Variants in LYZL6 observed in about 807,000 individuals in gnomAD.
LYZL6 encodes the protein lysozyme-like protein 6.
Under a neutral mutation model 15.0 loss-of-function variants are expected in LYZL6, and 21 were observed. That is an observed-to-expected ratio of 1.40 (90% CI 1.00 to 2.02). LYZL6 has a LOEUF of 2.02. Ranked by LOEUF, LYZL6 falls within the 30% of genes most tolerant of loss-of-function variation. LYZL6 has a pLI of 0.00. For missense variants in LYZL6, 173 were observed against 180.5 expected (o/e 0.96, Z 0.24); for synonymous variants, 72 against 67.8 (o/e 1.06, Z -0.31).
chr17:35,936,474 C>T (rs546937420), intron 4 of LYZL6, among the ~76,000 whole-genome samples: 154 of 152,320 alleles, frequency 1.0e-3, no homozygotes, highest in African/African-American at 3.6e-3. Flanking sequence ...CTTCCTGAGG[C>T]CCAGCTGCAG....
Position 35,934,834 on chromosome 17 carries a change from G to A in LYZL6, c.409C>T (p.Pro137Ser). ...CATCCTGTCAGCCAGTAGAAGAGTG[G>A]CCGGCCTGAACAGTGCAACCTCCAT... ...VEWRLHCSGR[P>S]LFYWLTGCRL... Residue 137 changes from proline to serine, a missense_variant, in exon 5 of 5, where the codon CCA becomes TCA. Transcript: ENST00000615905. 2.5e-6 allele frequency: 4 copies of A among 1,614,168 alleles called. No homozygotes were observed. Among genetic ancestry groups the A allele is most frequent in the Non-Finnish European group, 2.5e-6 (3 of 1,180,040 alleles).
chr17:35,935,881 T>G (rs1054560148), intron 4 of LYZL6, among the ~76,000 whole-genome samples: 1 of 150,686 alleles, frequency 6.6e-6, no homozygotes, highest in Non-Finnish European at 1.5e-5. Flanking sequence ...TGGCGCGATC[T>G]CGGCTCACTG....
chr17:35,941,216 T>C (rs1171015241), intron 1 of LYZL6, among the ~76,000 whole-genome samples: 1 of 152,254 alleles, frequency 6.6e-6, no homozygotes, highest in East Asian at 1.9e-4. Context: ...GGTATCACCC[T>C]GTTGTTTTAA....
chr17:35,938,018 G>A (rs2089392070), intron 2 of LYZL6, 102 bp from the exon 3 acceptor site: 11 of 1,162,880 alleles, frequency 9.5e-6, no homozygotes, highest in Non-Finnish European at 1.2e-5. Flanking sequence ...AAAGGAACAA[G>A]GCCTGGGAGG....
intron 1 of LYZL6, among the ~76,000 whole-genome samples, chr17:35,942,828 G>C (rs11650038): frequency 0.11 from 17,375 of 152,124 alleles, 1,070 homozygotes; most frequent in East Asian, 0.25. Context: ...GAAGCTAAAA[G>C]CAGAATCGAT....
intron 4 of LYZL6, among the ~76,000 whole-genome samples, chr17:35,936,393 C>A (rs1449758202): frequency 1.3e-5 from 2 of 152,214 alleles, no homozygotes; most frequent in Admixed American, 6.5e-5. Flanking sequence ...AGAAGTGAAG[C>A]AAATGCACCA....
chr17:35,936,989 T>C lies in LYZL6; in HGVS notation c.299-156A>G, dbSNP rs149334815. 7.7e-3 allele frequency among the ~76,000 whole-genome samples: 1,164 copies of C among 152,144 alleles called. 16 individuals are homozygous for C. Among genetic ancestry groups the C allele is most frequent in the African/African-American group, 0.027 (1,131 of 41,500 alleles). On this transcript the variant is annotated intron_variant, in intron 3 of 4. Transcript: ENST00000615905. ...GGGGCCCATTTAGACATCCCTACAATGGCTGCTAGAGGTTCGAGGTGAAAG... is the reference window on the plus strand; with the variant it reads ...GGGGCCCATTTAGACATCCCTACAACGGCTGCTAGAGGTTCGAGGTGAAAG...
At chr17:35,935,816 CA>C (rs1330726458) in intron 4 of LYZL6, among the ~76,000 whole-genome samples, 1 of 146,562 alleles carries the variant, frequency 6.8e-6, no homozygotes, top group East Asian at 2.1e-4. Flanking sequence ...CCAGCCGCCA[CA>C]TTTTTTTTTT....
chr17:35,936,714 C>T (rs753918678), intron 4 of LYZL6, 41 bp downstream of exon 4: 4 of 1,569,114 alleles, frequency 2.5e-6, no homozygotes, highest in African/African-American at 2.7e-5. Context: ...CGTCCTCCTT[C>T]GTGGGGCTCT....
At chr17:35,937,990 G>A (rs2089391594) in intron 2 of LYZL6, 74 bp from the exon 3 acceptor site, 3 of 1,478,520 alleles carry the variant, frequency 2.0e-6, no homozygotes, top group Admixed American at 1.8e-5. Context: ...AGGAGAAAGG[G>A]AGGCAAGGTT....
intron 4 of LYZL6, among the ~76,000 whole-genome samples, chr17:35,935,350 C>T (rs2735474): frequency 0.083 from 12,645 of 152,204 alleles, 1,778 homozygotes; most frequent in African/African-American, 0.29. Flanking sequence ...GAATGTCCAC[C>T]GTTGGTGAGC....
chr17:35,936,510 C>T (rs776852044), intron 4 of LYZL6, among the ~76,000 whole-genome samples: 6 of 152,208 alleles, frequency 3.9e-5, no homozygotes, highest in South Asian at 2.1e-4. Context: ...AGTGAGACAT[C>T]TGGGCCTCTC....
chr17:35,941,650 G>T (rs2141969518), intron 1 of LYZL6, among the ~76,000 whole-genome samples: 1 of 152,130 alleles, frequency 6.6e-6, no homozygotes, highest in South Asian at 2.1e-4. Flanking sequence ...GAATCCATGA[G>T]CCCATAATAA....
intron 3 of LYZL6, among the ~76,000 whole-genome samples, chr17:35,937,411 G>A (rs970711230): frequency 3.3e-5 from 5 of 152,226 alleles, no homozygotes; most frequent in Non-Finnish European, 7.3e-5. Context: ...GTTTTGTAAA[G>A]TAGGGATCAT....
rs544420321 is a variant in LYZL6 at position 35,936,796 on chromosome 17, G to T, written c.336C>A (p.Cys112Ter). 9 of 1,613,660 alleles carry T rather than the reference G, an allele frequency of 5.6e-6. No individual in the cohort carries two copies. Among genetic ancestry groups the T allele is most frequent in the Non-Finnish European group, 7.6e-6 (9 of 1,180,018 alleles). ...LNPNLLAGIHCAKRIVSGARG... is the reference protein window; with the variant it reads ...LNPNLLAGIH Reference sequence around the variant, plus strand: ...GTGCTCCGGACACAATCCTTTTTGCGCAGTGGATGCCTGCAAGAAGGTTGG... The same window carrying T: ...GTGCTCCGGACACAATCCTTTTTGCTCAGTGGATGCCTGCAAGAAGGTTGG... Residue 112 changes from cysteine to a stop codon, truncating the protein, a stop_gained, in exon 4 of 5, where the codon TGC becomes TGA. Transcript: ENST00000615905. LOFTEE classifies it high-confidence loss of function.
rs1454128296 is a variant in LYZL6, at chr17:35,939,342, T to C, written c.15A>G (p.Leu5=). 1 of 1,614,022 alleles carries C rather than the reference T, an allele frequency of 6.2e-7. No homozygotes were observed. Among genetic ancestry groups the C allele is most frequent in the East Asian group, 2.2e-5 (1 of 44,884 alleles). Residue 5 remains leucine (L), a synonymous_variant, in exon 2 of 5, where the codon CTA becomes CTG. Coordinates refer to ENST00000615905, the MANE Select transcript of LYZL6 (RefSeq NM_020426.4). The part of the protein sequence containing the change: MTKA[L]LIYLVSSFLA... ...GAAAGCTGCTGACCAAATAGATGAG[T>C]AGCGCCTTTGTCATCCTTGGAGGGG... is the stretch of plus-strand genomic sequence containing the variant.
chr17:35,937,764 A>G lies in LYZL6; in HGVS notation c.292T>C (p.Cys98Arg). ...SYSENLCHVD[C>R]QDLLNPNLLA... ...CCTGGGGCCCTGGCCAGACCTTGAC[A>G]GTCTACGTGGCAAAGGTTTTCCGAG... Residue 98 changes from cysteine to arginine, a missense_variant, in exon 3 of 5, where the codon TGT (cysteine) becomes CGT (arginine). Coordinates refer to ENST00000615905, the MANE Select transcript of LYZL6 (RefSeq NM_020426.4). The G allele has an allele frequency of 1.2e-6, 2 of 1,614,084 alleles. No homozygotes were observed. Among genetic ancestry groups the G allele is most frequent in the African/African-American group, 2.7e-5 (2 of 75,060 alleles).
chr17:35,940,325 G>A (rs73992633), intron 1 of LYZL6, among the ~76,000 whole-genome samples: 1 of 152,256 alleles, frequency 6.6e-6, no homozygotes, highest in African/African-American at 2.4e-5. Context: ...CAGGACTCTA[G>A]GAAATATGGC....
intron 1 of LYZL6, among the ~76,000 whole-genome samples, chr17:35,940,294 A>G (rs1159851561): frequency 6.6e-6 from 1 of 152,186 alleles, no homozygotes; most frequent in Non-Finnish European, 1.5e-5. Context: ...ATCTTGGTTC[A>G]CATTCCACAC....
Sources: gnomAD v4.1 joint callset for allele counts (sites outside exome capture counted in the v4.1 genomes callset) on GRCh38, gnomAD v4.1.1 for gene constraint, MANE v1.5 for transcripts, NCBI Gene and HGNC (gene_info 2026-07-23, HGNC 2026-07-21) for gene names.